SGCE: variants seen among roughly 807,000 people sequenced by gnomAD.
SGCE encodes the protein epsilon-sarcoglycan.
Under a neutral mutation model 57.8 loss-of-function variants are expected in SGCE, and 26 were observed. The observed-to-expected ratio is 0.45, with a 90% CI of 0.33 to 0.62. SGCE has a LOEUF of 0.62. Among genes scored for constraint, SGCE ranks in the 20% least tolerant of loss-of-function variants. The probability of loss-of-function intolerance (pLI) is 0.02; values close to 1 mark genes in which losing one functional copy is unlikely to be tolerated. For missense variants in SGCE, 468 were observed against 548.6 expected (o/e 0.85, Z 1.47); for synonymous variants, 183 against 189.5 (o/e 0.97, Z 0.28).
At chr7:94,611,207 A>G (rs1245282823) in intron 5 of SGCE, among the ~76,000 whole-genome samples, 6 of 152,228 alleles carry the variant, frequency 3.9e-5, no homozygotes, top group Non-Finnish European at 8.8e-5. Flanking sequence ...AATGTTCACA[A>G]TGACATCATT....
rs767951166 is a variant in SGCE, at chr7:94,599,692, C to T, written c.1064+5G>A. 2 of 1,609,678 alleles carry T rather than the reference C, an allele frequency of 1.2e-6. No homozygotes were observed. On this transcript the variant is annotated splice_donor_5th_base_variant and intron_variant, in intron 8 of 10. Coordinates refer to ENST00000648936, the MANE Select transcript of SGCE (RefSeq NM_003919.3). ...GAAGAAAATAACAGGAAAGAAGACA[C>T]TTACTCTGGTGTTTGCATGTTTCTC... is the stretch of plus-strand genomic sequence containing the variant.
rs562814736 is a variant in SGCE at position 94,601,274 on chromosome 7, G to A, written c.826-417C>T. 3.3e-5 allele frequency among the ~76,000 whole-genome samples: 5 copies of A among 151,308 alleles called. No homozygotes were observed. The East Asian group carries it at 7.8e-4, about 24-fold the overall frequency. On this transcript the variant is annotated intron_variant, in intron 6 of 10. Coordinates refer to ENST00000648936, the MANE Select transcript of SGCE (RefSeq NM_003919.3). ...AACTGGCTGAAAACCAGGTATGCAC[G>A]TATGGTTTCTAAGTTTAGCAAAAGA...
intron 1 of SGCE, among the ~76,000 whole-genome samples, chr7:94,649,721 A>G (rs910550005): frequency 6.6e-6 from 1 of 152,270 alleles, no homozygotes; most frequent in African/African-American, 2.4e-5. Flanking sequence ...CATTAGAAAT[A>G]TACTTCATAC....
chr7:94,586,070 A>AC (rs1319649175), intron 10 of SGCE, among the ~76,000 whole-genome samples: 2 of 149,526 alleles, frequency 1.3e-5, no homozygotes, highest in Non-Finnish European at 3.0e-5. Context: ...TGAAAAAAAA[A>AC]AAAAAAAAAA....
chr7:94,609,475 T>A (rs1277513496), intron 5 of SGCE, among the ~76,000 whole-genome samples: 1 of 152,226 alleles, frequency 6.6e-6, no homozygotes, highest in Admixed American at 6.5e-5. Context: ...GAGGCTGCAG[T>A]GAGCCAAGAT....
chr7:94,644,292 A>G (rs1193400269), intron 1 of SGCE, among the ~76,000 whole-genome samples: 2 of 152,202 alleles, frequency 1.3e-5, no homozygotes, highest in African/African-American at 2.4e-5. Context: ...ACCATATGAC[A>G]GTTAAAGTTT....
At chr7:94,618,510 T>G in intron 5 of SGCE, 1 of 463,266 alleles carries the variant, frequency 2.2e-6, no homozygotes, top group Non-Finnish European at 3.8e-6. Context: ...AAAGACTTAG[T>G]GCTATAATTT....
intron 5 of SGCE, among the ~76,000 whole-genome samples, chr7:94,612,984 C>G (rs1801290424): frequency 6.6e-6 from 1 of 152,224 alleles, no homozygotes. Context: ...AACTGTAGTT[C>G]TAGTCACCAT....
chr7:94,654,469 A>G (rs1020511827), intron 1 of SGCE, among the ~76,000 whole-genome samples: 3 of 152,202 alleles, frequency 2.0e-5, no homozygotes, highest in Non-Finnish European at 4.4e-5. Context: ...TACCAAGCAT[A>G]AGAAATCCTG....
At chr7:94,615,424 A>AG (rs1453287069) in intron 5 of SGCE, among the ~76,000 whole-genome samples, 17 of 131,808 alleles carry the variant, frequency 1.3e-4, no homozygotes, top group Non-Finnish European at 2.3e-4. Context: ...ATAGATAGAT[A>AG]AAGGGCAATT....
Position 94,623,334 on chromosome 7 carries a change from A to T in SGCE, c.454T>A (p.Ser152Thr). Residue 152 changes from serine to threonine, a missense_variant, in exon 4 of 11, where the codon TCT becomes ACT. Ser to Thr is a moderately conservative substitution (Grantham distance 58). Transcript: ENST00000648936. ...ATATTTTCATACCTACCTTCTGCAGACATTATATTAATTATCAAATTATGC... is the reference window on the plus strand; with the variant it reads ...ATATTTTCATACCTACCTTCTGCAGTCATTATATTAATTATCAAATTATGC... ...ARHNLIINIM[S>T]AEDFPLPYQA... 2 of 1,587,794 alleles carry T rather than the reference A, an allele frequency of 1.3e-6. No individual in the cohort carries two copies. Among genetic ancestry groups the T allele is most frequent in the South Asian group, 1.1e-5 (1 of 89,442 alleles).
Position 94,656,026 on chromosome 7 carries a change from T to C in SGCE, c.73A>G (p.Met25Val). 6.2e-7 allele frequency: 1 copy of C among 1,612,726 alleles called. No individual in the cohort carries two copies. Among genetic ancestry groups the C allele is most frequent in the Non-Finnish European group, 8.5e-7 (1 of 1,178,968 alleles). The change falls in exon 1 of 11, where the codon ATG becomes GTG. Residue 25 changes from methionine to valine, a missense_variant. Physicochemically the swap from Met to Val is conservative, Grantham distance 21 (BLOSUM62 1). Transcript: ENST00000648936. The part of the protein sequence containing the change: ...WTGQGRGTRR[M>V]SPATTGTFLL... ...AATGTGCCAGTGGTCGCGGGGCTCA[T>C]CCTGCGTGTCCCCCGACCCTGTCCC...
At chr7:94,614,823 A>C (rs1562834559) in intron 5 of SGCE, among the ~76,000 whole-genome samples, 1 of 152,168 alleles carries the variant, frequency 6.6e-6, no homozygotes, top group Non-Finnish European at 1.5e-5. Context: ...CCAAAGACTA[A>C]TAAAATATTC....
chr7:94,585,449 C>A lies in SGCE; in HGVS notation c.*50G>T. 3.9e-6 allele frequency: 6 copies of A among 1,549,594 alleles called. No homozygotes were observed. Among genetic ancestry groups the A allele is most frequent in the Non-Finnish European group, 5.3e-6 (6 of 1,121,692 alleles). ...GGAAGAGAAAAGAAATGTGATGTAACTGCTATATTGTCTGATTATAAATTC... is the reference window on the plus strand; with the variant it reads ...GGAAGAGAAAAGAAATGTGATGTAAATGCTATATTGTCTGATTATAAATTC... On this transcript the variant is annotated 3_prime_UTR_variant, in exon 11 of 11. Transcript: ENST00000648936.
At chr7:94,636,953 T>A (rs1006600621) in intron 1 of SGCE, among the ~76,000 whole-genome samples, 5 of 151,094 alleles carry the variant, frequency 3.3e-5, no homozygotes, top group African/African-American at 1.2e-4. Context: ...TAATCCCAGC[T>A]ACTCAGGAGG....
chr7:94,590,692 A>G (rs1797557317), intron 9 of SGCE: 1 of 152,154 alleles, frequency 6.6e-6, no homozygotes, highest in Non-Finnish European at 1.5e-5. Flanking sequence ...GTGATGTACA[A>G]AAGAGATAAA....
At chr7:94,587,448 A>G in intron 10 of SGCE, 2 of 1,191,842 alleles carry the variant, frequency 1.7e-6, no homozygotes, top group Non-Finnish European at 2.1e-6. Flanking sequence ...GGCGAGATGG[A>G]AGCTACAAGG....
intron 1 of SGCE, among the ~76,000 whole-genome samples, chr7:94,635,367 G>A (rs552360567): frequency 1.3e-5 from 2 of 152,306 alleles, no homozygotes; most frequent in South Asian, 4.1e-4. Flanking sequence ...TACAAAGAGA[G>A]TACTAAACAG....
In SGCE at chr7:94,629,534, A is replaced by C. The variant is rs1390229695; in HGVS notation, c.232+185T>G. 3 of 589,374 alleles carry C rather than the reference A, an allele frequency of 5.1e-6. No homozygotes were observed. The East Asian group carries it at 9.8e-5, about 19-fold the overall frequency. 36.5% of individuals were successfully genotyped at this position (589,374 alleles called of 1,614,324 possible). ...AATATGCTTTCCTTAACATTCAAAA[A>C]TAAATTATTTTTGTCTGTAATTAAA... On this transcript the variant is annotated intron_variant, in intron 2 of 10. Coordinates refer to ENST00000648936, the MANE Select transcript of SGCE (RefSeq NM_003919.3).
Sources: gnomAD v4.1 joint callset for allele counts (sites outside exome capture counted in the v4.1 genomes callset) on GRCh38, gnomAD v4.1.1 for gene constraint, MANE v1.5 for transcripts, NCBI Gene and HGNC (gene_info 2026-07-23, HGNC 2026-07-21) for gene names.